The following CAP2 variants were observed in gnomAD, a reference collection of about 807,000 sequenced individuals.
The protein encoded by CAP2 is cyclase associated actin cytoskeleton regulatory protein 2.
In CAP2, 24 loss-of-function variants were observed where a neutral mutation model predicts 57.7. The observed-to-expected ratio is 0.42, with a 90% CI of 0.30 to 0.58. The LOEUF is 0.58. Among genes scored for constraint, CAP2 ranks in the 20% least tolerant of loss-of-function variants. The pLI is 0.22. For missense variants in CAP2, 501 were observed against 590.3 expected, an observed-to-expected ratio of 0.85 and a Z score of 1.57; for synonymous variants, 194 against 207.2, an observed-to-expected ratio of 0.94 and a Z score of 0.55.
intron 3 of CAP2, among the ~76,000 whole-genome samples, chr6:17,459,620 G>A (rs1479021867): frequency 2.6e-5 from 4 of 151,868 alleles, no homozygotes; most frequent in African/African-American, 9.7e-5. Context: ...ATTATAAAAA[G>A]TATTTTTAAA....
intron 7 of CAP2, 67 bp downstream of exon 7, chr6:17,514,021 A>G: frequency 1.0e-6 from 1 of 972,974 alleles, no homozygotes; most frequent in Non-Finnish European, 1.7e-6. Context: ...CCTGTGGCCC[A>G]GTAATCTCAC....
chr6:17,427,442 A>G (rs1759622402), intron 3 of CAP2, among the ~76,000 whole-genome samples: 1 of 152,104 alleles, frequency 6.6e-6, no homozygotes, highest in South Asian at 2.1e-4. Flanking sequence ...TTCTTTCTGT[A>G]AAATGCGGCC....
At chr6:17,555,443 C>T (rs1243037560) in intron 12 of CAP2, among the ~76,000 whole-genome samples, 1 of 152,078 alleles carries the variant, frequency 6.6e-6, no homozygotes, top group African/African-American at 2.4e-5. Context: ...ATCCACCCAC[C>T]TTGGCCTCCC....
chr6:17,506,966 A>G (rs994162755), intron 4 of CAP2, among the ~76,000 whole-genome samples: 14 of 152,156 alleles, frequency 9.2e-5, no homozygotes, highest in African/African-American at 2.7e-4. Flanking sequence ...AATATCTGCA[A>G]TTTTCATACT....
intron 4 of CAP2, among the ~76,000 whole-genome samples, chr6:17,502,956 A>G (rs896039470): frequency 6.6e-6 from 1 of 152,210 alleles, no homozygotes; most frequent in African/African-American, 2.4e-5. Context: ...CAATCCCCCA[A>G]AGAAGGAGAT....
chr6:17,446,931 A>G (rs1760272253), intron 3 of CAP2, among the ~76,000 whole-genome samples: 1 of 152,230 alleles, frequency 6.6e-6, no homozygotes, highest in Non-Finnish European at 1.5e-5. Context: ...GTGTTTAGCA[A>G]GCACCTTTCA....
chr6:17,505,534 C>G (rs1488694148), intron 4 of CAP2, among the ~76,000 whole-genome samples: 1 of 152,188 alleles, frequency 6.6e-6, no homozygotes, highest in East Asian at 1.9e-4. Context: ...TTAAAAACCC[C>G]AAGGTGGTTC....
At position 17,449,410 on chromosome 6, in the gene CAP2, A is replaced by AT. The variant is rs200005728; in HGVS notation, c.223-13584dup. On this transcript the variant is annotated intron_variant, in intron 3 of 12. Coordinates refer to ENST00000229922, the MANE Select transcript of CAP2 (RefSeq NM_006366.3). Reference sequence around the variant, plus strand: ...AGCCTTGTGCAATTATTTTATTATTATTATTTTTTTTTTGAGACACAGTTT... The same window carrying AT: ...AGCCTTGTGCAATTATTTTATTATTATTTATTTTTTTTTTGAGACACAGTTT... Among the ~76,000 whole-genome samples, 4 of 151,708 alleles carry AT rather than the reference A, an allele frequency of 2.6e-5. 1 individual carries two copies. The highest frequency in any genetic ancestry group is 9.7e-5 in the African/African-American group (4 of 41,244).
At chr6:17,401,139 T>G (rs1180420337) in intron 1 of CAP2, among the ~76,000 whole-genome samples, 1 of 152,198 alleles carries the variant, frequency 6.6e-6, no homozygotes, top group African/African-American at 2.4e-5. Flanking sequence ...AAATCCTCAC[T>G]GCCATTGTGA....
intron 3 of CAP2, among the ~76,000 whole-genome samples, chr6:17,453,537 G>A (rs948914406): frequency 1.1e-4 from 17 of 152,268 alleles, no homozygotes; most frequent in African/African-American, 3.6e-4. Flanking sequence ...CACAGTGAAC[G>A]GAATCCTTAT....
chr6:17,432,397 C>T (rs1759759538), intron 3 of CAP2, among the ~76,000 whole-genome samples: 1 of 152,198 alleles, frequency 6.6e-6, no homozygotes, highest in Admixed American at 6.5e-5. Context: ...TCCTCACCTC[C>T]CCACTCTGCC....
chr6:17,440,750 C>T (rs1030863220), intron 3 of CAP2, among the ~76,000 whole-genome samples: 5 of 151,054 alleles, frequency 3.3e-5, no homozygotes, highest in South Asian at 2.1e-4. Flanking sequence ...ACTCATGTGC[C>T]GTGTTGGTTT....
intron 3 of CAP2, among the ~76,000 whole-genome samples, chr6:17,431,521 T>C (rs564325638): frequency 6.6e-6 from 1 of 152,318 alleles, no homozygotes; most frequent in African/African-American, 2.4e-5. Flanking sequence ...GCCTCACTTT[T>C]GATGGGTCAT....
intron 3 of CAP2, among the ~76,000 whole-genome samples, chr6:17,446,995 C>G (rs938316748): frequency 7.2e-5 from 11 of 151,964 alleles, no homozygotes; most frequent in Non-Finnish European, 1.3e-4. Context: ...ATTGGGTGGA[C>G]CTGGTTCATG....
chr6:17,548,090 G>C (rs1372968358), intron 11 of CAP2, among the ~76,000 whole-genome samples: 1 of 151,870 alleles, frequency 6.6e-6, no homozygotes, highest in Non-Finnish European at 1.5e-5. Context: ...AATAGAGGCC[G>C]AGCGTGGTGG....
At chr6:17,415,386 A>G (rs144010921) in intron 1 of CAP2, among the ~76,000 whole-genome samples, 2 of 152,370 alleles carry the variant, frequency 1.3e-5, no homozygotes, top group East Asian at 3.9e-4. Context: ...AAAGGCTTAC[A>G]TTAGAGGGAG....
At chr6:17,416,604 G>C (rs184093644) in intron 1 of CAP2, among the ~76,000 whole-genome samples, 1 of 152,148 alleles carries the variant, frequency 6.6e-6, no homozygotes, top group African/African-American at 2.4e-5. Context: ...CAACTCAGTA[G>C]ATAATGCCCC....
At chr6:17,424,176 C>T (rs1438510121) in intron 2 of CAP2, among the ~76,000 whole-genome samples, 1 of 151,890 alleles carries the variant, frequency 6.6e-6, no homozygotes, top group Non-Finnish European at 1.5e-5. Flanking sequence ...CGCGGCGAGC[C>T]GATCACGAGG....
chr6:17,400,833 C>G (rs1217478372), intron 1 of CAP2, among the ~76,000 whole-genome samples: 2 of 149,976 alleles, frequency 1.3e-5, no homozygotes, highest in African/African-American at 5.0e-5. Context: ...CCATTGCATT[C>G]CAGCCTGGGC....
Sources: allele counts gnomAD v4.1 joint callset (sites outside exome capture counted in the v4.1 genomes callset), GRCh38; gene constraint gnomAD v4.1.1; transcripts MANE v1.5; gene names NCBI Gene and HGNC (gene_info 2026-07-23, HGNC 2026-07-21).